SPAG16: variants seen among roughly 807,000 people sequenced by gnomAD.
The protein encoded by SPAG16 is sperm-associated antigen 16 protein.
SPAG16 carries 86 observed loss-of-function variants against 80.4 expected under a neutral mutation model. That is an observed-to-expected ratio of 1.07 (90% CI 0.90 to 1.28). The LOEUF (loss-of-function observed/expected upper bound fraction) is 1.28. Among genes scored for constraint, SPAG16 ranks in the 50% most tolerant of loss-of-function variants. SPAG16 has a pLI of 0.00. For missense variants in SPAG16, 870 were observed against 765.3 expected (o/e 1.14, Z -1.61); for synonymous variants, 294 against 265.9 (o/e 1.11, Z -1.03).
chr2:214,394,563 A>T (rs1185831176), intron 15 of SPAG16, among the ~76,000 whole-genome samples: 1 of 152,172 alleles, frequency 6.6e-6, no homozygotes, highest in Non-Finnish European at 1.5e-5. Flanking sequence ...ATTGGTTTCA[A>T]ACTTTTATTT....
intron 15 of SPAG16, among the ~76,000 whole-genome samples, chr2:214,215,949 T>C (rs2058420826): frequency 1.3e-5 from 2 of 152,066 alleles, no homozygotes; most frequent in Non-Finnish European, 2.9e-5. Context: ...CAAAATAGAG[T>C]ATGTGAGTTA....
intron 12 of SPAG16, among the ~76,000 whole-genome samples, chr2:213,946,734 C>G (rs545061590): frequency 1.7e-3 from 254 of 152,170 alleles, no homozygotes; most frequent in Non-Finnish European, 3.0e-3. Flanking sequence ...GTGTATAGTT[C>G]TACAAAATTT....
intron 13 of SPAG16, among the ~76,000 whole-genome samples, chr2:214,051,964 T>C (rs2125135326): frequency 6.6e-6 from 1 of 152,336 alleles, no homozygotes; most frequent in African/African-American, 2.4e-5. Context: ...AAAATAGATT[T>C]CCCTTTTTTC....
intron 13 of SPAG16, among the ~76,000 whole-genome samples, chr2:214,104,978 G>T (rs1450357691): frequency 1.3e-5 from 2 of 152,080 alleles, no homozygotes; most frequent in Non-Finnish European, 2.9e-5. Context: ...GTGGAATTTG[G>T]TAGAGAATAA....
At chr2:213,928,975 G>A (rs2078625395) in intron 11 of SPAG16, among the ~76,000 whole-genome samples, 1 of 133,582 alleles carries the variant, frequency 7.5e-6, no homozygotes, top group Non-Finnish European at 1.6e-5. Context: ...TGGTGTCATT[G>A]ACACCTACCC....
intron 10 of SPAG16, among the ~76,000 whole-genome samples, chr2:213,507,590 A>C (rs1359589266): frequency 6.6e-6 from 1 of 152,182 alleles, no homozygotes; most frequent in Non-Finnish European, 1.5e-5. Context: ...CCTTTTCAGC[A>C]ATGTAGTGAC....
intron 13 of SPAG16, among the ~76,000 whole-genome samples, chr2:214,021,719 A>G (rs1575852072): frequency 6.6e-6 from 1 of 152,276 alleles, no homozygotes; most frequent in African/African-American, 2.4e-5. Context: ...ACCTCACTGC[A>G]TTGATTTTAT....
chr2:214,315,825 C>A (rs749927366), intron 15 of SPAG16, among the ~76,000 whole-genome samples: 4 of 152,196 alleles, frequency 2.6e-5, no homozygotes, highest in Non-Finnish European at 5.9e-5. Context: ...AGCCACTGCA[C>A]CTGGCCCTTC....
chr2:213,920,553 C>A (rs1162551752), intron 11 of SPAG16, among the ~76,000 whole-genome samples: 5 of 152,148 alleles, frequency 3.3e-5, no homozygotes. Context: ...TGGGGGCTGC[C>A]CCATTGGACC....
intron 13 of SPAG16, among the ~76,000 whole-genome samples, chr2:214,049,434 T>C (rs1270926264): frequency 1.3e-5 from 2 of 152,198 alleles, no homozygotes. Context: ...CTTTCAGAAG[T>C]GACAGTGCTA....
chr2:214,287,476 C>G (rs1693450300), intron 15 of SPAG16, among the ~76,000 whole-genome samples: 1 of 152,194 alleles, frequency 6.6e-6, no homozygotes, highest in Non-Finnish European at 1.5e-5. Context: ...TAAAAGGAGT[C>G]AGTCCTCTAA....
chr2:213,422,340 A>T (rs75432170), intron 9 of SPAG16: 1 of 697,334 alleles, frequency 1.4e-6, no homozygotes, highest in Non-Finnish European at 2.6e-6. Context: ...AGGCTTACAC[A>T]GATCCAGTGC....
intron 8 of SPAG16, among the ~76,000 whole-genome samples, chr2:213,365,973 T>C (rs1224216087): frequency 6.7e-6 from 1 of 148,988 alleles, no homozygotes. Flanking sequence ...AAACCCCGTC[T>C]CTACTAAAAA....
At chr2:213,468,450 G>GAT (rs1251926051) in intron 9 of SPAG16, among the ~76,000 whole-genome samples, 2 of 121,084 alleles carry the variant, frequency 1.7e-5, no homozygotes, top group African/African-American at 7.1e-5. Context: ...TTTATATATA[G>GAT]ATATATATAT....
At chr2:214,321,962 C>A (rs960886272) in intron 15 of SPAG16, among the ~76,000 whole-genome samples, 2 of 152,278 alleles carry the variant, frequency 1.3e-5, no homozygotes, top group African/African-American at 4.8e-5. Context: ...TTTGTACATA[C>A]ATTATTGTTT....
chr2:213,355,606 A>G (rs2065595725), intron 7 of SPAG16, among the ~76,000 whole-genome samples: 1 of 151,966 alleles, frequency 6.6e-6, no homozygotes, highest in Non-Finnish European at 1.5e-5. Context: ...ATTCCTAGGT[A>G]TTTTATTCTC....
chr2:214,001,172 G>T (rs1456042907), intron 12 of SPAG16, among the ~76,000 whole-genome samples: 2 of 152,076 alleles, frequency 1.3e-5, no homozygotes, highest in African/African-American at 2.4e-5. Flanking sequence ...AGTTTATGAG[G>T]TTATACTTCT....
At chr2:213,729,985 A>T (rs2066954925) in intron 10 of SPAG16, among the ~76,000 whole-genome samples, 1 of 152,164 alleles carries the variant, frequency 6.6e-6, no homozygotes. Flanking sequence ...ACGTGCAGAC[A>T]CTCTTGCTCC....
At chr2:213,904,976 A>T (rs1038936316) in intron 11 of SPAG16, among the ~76,000 whole-genome samples, 8 of 152,170 alleles carry the variant, frequency 5.3e-5, no homozygotes, top group Non-Finnish European at 2.9e-5. Context: ...CATAAAAAGG[A>T]TTCTTCAGGT....
Sources: gnomAD v4.1 joint callset for allele counts (sites outside exome capture counted in the v4.1 genomes callset) on GRCh38, gnomAD v4.1.1 for gene constraint, MANE v1.5 for transcripts, NCBI Gene and HGNC (gene_info 2026-07-23, HGNC 2026-07-21) for gene names.